Variants in NRXN3 observed in about 807,000 individuals in gnomAD.
The protein encoded by NRXN3 is neurexin III.
In NRXN3, 32 loss-of-function variants were observed where a neutral mutation model predicts 137.6. That is an observed-to-expected ratio of 0.23 (90% CI 0.18 to 0.31). The LOEUF is 0.31. NRXN3 is among the 10% of genes least tolerant of loss of function. The probability of loss-of-function intolerance (pLI) is 1.00; values close to 1 mark genes in which losing one functional copy is unlikely to be tolerated. For synonymous variants in NRXN3, 798 were observed against 784.5 expected (o/e 1.02, Z -0.29); for missense variants, 1,574 against 2,062.5 (o/e 0.76, Z 4.59).
At chr14:79,064,739 GTA>G (rs5809917) in intron 15 of NRXN3, among the ~76,000 whole-genome samples, 73,359 of 140,328 alleles carry the variant, frequency 0.52, 21,500 homozygotes, top group East Asian at 0.8. Flanking sequence ...ATATGTATAT[GTA>G]TATATATATA....
Position 78,645,186 on chromosome 14 carries a change from C to T in NRXN3, c.824C>T (p.Pro275Leu). Residue 275 changes from proline (P) to leucine (L), a missense_variant, in exon 5 of 21, where the codon CCG becomes CTG. Physicochemically the swap from Pro to Leu is moderately conservative, Grantham distance 98. Transcript: ENST00000335750. Reference protein sequence around the residue: ...EYLCYDLSQNPIQSSSDEITL... With the variant: ...EYLCYDLSQNLIQSSSDEITL... ...CTGTGCTACGACCTGTCTCAGAACC[C>T]GATCCAGAGCAGCAGTGATGAAATC... The T allele has an allele frequency of 6.3e-7, 1 of 1,595,466 alleles. No individual in the cohort carries two copies. The highest frequency in any genetic ancestry group is 8.5e-7 in the Non-Finnish European group (1 of 1,178,362).
intron 16 of NRXN3, among the ~76,000 whole-genome samples, chr14:79,588,117 C>T (rs1220215386): frequency 3.3e-5 from 5 of 152,078 alleles, no homozygotes; most frequent in African/African-American, 1.2e-4. Flanking sequence ...TACATTTTGC[C>T]AATTCTATTA....
At chr14:79,280,042 G>A in intron 15 of NRXN3, 1 of 1,317,408 alleles carries the variant, frequency 7.6e-7, no homozygotes, top group Non-Finnish European at 9.7e-7. Flanking sequence ...TACCTGGGAG[G>A]ACCCTGGCAT....
chr14:78,771,743 G>T (rs1174990947), intron 8 of NRXN3, among the ~76,000 whole-genome samples: 4 of 152,174 alleles, frequency 2.6e-5, no homozygotes, highest in African/African-American at 9.7e-5. Flanking sequence ...TTTTTAGTTT[G>T]TCTGTAACAC....
chr14:78,544,148 G>A (rs2096617144), intron 4 of NRXN3, among the ~76,000 whole-genome samples: 1 of 152,194 alleles, frequency 6.6e-6, no homozygotes, highest in Admixed American at 6.5e-5. Flanking sequence ...GGCACACCAT[G>A]AGAGATACAT....
chr14:78,938,380 C>A (rs1022691558), intron 10 of NRXN3, among the ~76,000 whole-genome samples: 2 of 152,182 alleles, frequency 1.3e-5, no homozygotes, highest in Non-Finnish European at 2.9e-5. Context: ...CAGCTATTTC[C>A]TTTACCTGAT....
intron 15 of NRXN3, among the ~76,000 whole-genome samples, chr14:79,292,596 C>T (rs1383952236): frequency 6.6e-6 from 1 of 152,216 alleles, no homozygotes; most frequent in Admixed American, 6.5e-5. Flanking sequence ...TACTTCCTCA[C>T]CCTTATCAGA....
At chr14:79,708,868 G>A (rs536966788) in intron 19 of NRXN3, among the ~76,000 whole-genome samples, 2 of 152,128 alleles carry the variant, frequency 1.3e-5, no homozygotes, top group African/African-American at 2.4e-5. Context: ...TGCACACCAC[G>A]TCTGTGGTGG....
At chr14:79,210,014 A>G (rs1010549972) in intron 15 of NRXN3, among the ~76,000 whole-genome samples, 4 of 152,146 alleles carry the variant, frequency 2.6e-5, no homozygotes, top group Non-Finnish European at 4.4e-5. Context: ...GCGTAAGTGA[A>G]TTTCCCCTTG....
chr14:79,256,494 CT>C (rs2076604357), intron 15 of NRXN3, among the ~76,000 whole-genome samples: 1 of 152,156 alleles, frequency 6.6e-6, no homozygotes, highest in Non-Finnish European at 1.5e-5. Context: ...AGAGTGCCCC[CT>C]AGCACCTCCA....
chr14:79,011,020 A>C (rs1232963888), intron 15 of NRXN3, among the ~76,000 whole-genome samples: 2 of 152,216 alleles, frequency 1.3e-5, no homozygotes, highest in Non-Finnish European at 2.9e-5. Flanking sequence ...AGTCATGGCG[A>C]TGCTAGTTAC....
chr14:78,415,995 C>T (rs1598411264), intron 4 of NRXN3, among the ~76,000 whole-genome samples: 1 of 152,128 alleles, frequency 6.6e-6, no homozygotes, highest in African/African-American at 2.4e-5. Flanking sequence ...AACTAAGACA[C>T]TTGTCTTCTT....
intron 7 of NRXN3, among the ~76,000 whole-genome samples, chr14:78,711,768 T>A (rs2098410243): frequency 6.6e-6 from 1 of 152,114 alleles, no homozygotes. Flanking sequence ...TACTGATGAA[T>A]TTGATCAAAG....
intron 15 of NRXN3, among the ~76,000 whole-genome samples, chr14:79,286,693 A>G (rs1436898101): frequency 6.6e-6 from 1 of 151,892 alleles, no homozygotes; most frequent in Non-Finnish European, 1.5e-5. Flanking sequence ...ATAAATAATA[A>G]TGGCATTCTG....
intron 4 of NRXN3, among the ~76,000 whole-genome samples, chr14:78,334,605 A>G (rs1382687766): frequency 2.0e-5 from 3 of 152,166 alleles, no homozygotes; most frequent in Non-Finnish European, 2.9e-5. Flanking sequence ...AAAGTGCTTA[A>G]TATGTGTTTA....
At chr14:79,510,006 T>G (rs560318033) in intron 16 of NRXN3, among the ~76,000 whole-genome samples, 1 of 152,178 alleles carries the variant, frequency 6.6e-6, no homozygotes, top group African/African-American at 2.4e-5. Flanking sequence ...TATGCAGTGC[T>G]CACAGATGTG....
chr14:79,326,624 C>T (rs939871995), intron 15 of NRXN3, among the ~76,000 whole-genome samples: 2 of 152,106 alleles, frequency 1.3e-5, no homozygotes, highest in African/African-American at 4.8e-5. Context: ...GACCTTGGTC[C>T]GTTTCTGTCT....
intron 19 of NRXN3, among the ~76,000 whole-genome samples, chr14:79,701,086 G>T (rs58702851): frequency 6.6e-6 from 1 of 151,968 alleles, no homozygotes; most frequent in Non-Finnish European, 1.5e-5. Context: ...ATAGCTTGAG[G>T]AAAGTGTTTC....
chr14:78,373,534 A>G (rs1232737340), intron 4 of NRXN3, among the ~76,000 whole-genome samples: 1 of 152,232 alleles, frequency 6.6e-6, no homozygotes, highest in Non-Finnish European at 1.5e-5. Flanking sequence ...TGGTACCTGC[A>G]AACTACAGCT....
Sources: allele counts gnomAD v4.1 joint callset (sites outside exome capture counted in the v4.1 genomes callset), GRCh38; gene constraint gnomAD v4.1.1; transcripts MANE v1.5; gene names NCBI Gene and HGNC (gene_info 2026-07-23, HGNC 2026-07-21).